OR4D6: variants seen among roughly 807,000 people sequenced by gnomAD.
OR4D6 encodes the protein olfactory receptor family 4 subfamily D member 6.
A neutral mutation model predicts 10.9 loss-of-function variants in OR4D6; 9 were observed. The ratio of observed to expected loss-of-function variants is 0.82; its 90% CI spans 0.50 to 1.44. The LOEUF (loss-of-function observed/expected upper bound fraction) is 1.44. Ranked by LOEUF, OR4D6 falls within the 40% of genes most tolerant of loss-of-function variation. OR4D6 has a pLI of 0.00. For missense variants in OR4D6, 370 were observed against 384.4 expected (o/e 0.96, Z 0.31); for synonymous variants, 167 against 154.4 (o/e 1.08, Z -0.60).
Position 59,457,879 on chromosome 11 carries a change from C to G in OR4D6, c.919C>G (p.Pro307Ala). ...AMQRLQRRLG[P>A]SESRKWG ...GCAGAGGCTGCAGAGGAGACTTGGG[C>G]CTTCCGAGAGCAGAAAATGGGGGTG... Residue 307 changes from proline (P) to alanine (A), a missense_variant, in exon 1 of 1, where the codon CCT (proline) becomes GCT (alanine). By Grantham distance (27) the Pro-to-Ala change is conservative (BLOSUM62 -1). Transcript: ENST00000300127. The G allele has an allele frequency of 1.2e-6, 2 of 1,604,778 alleles. No homozygotes were observed. The highest frequency in any genetic ancestry group is 2.2e-5 in the South Asian group (2 of 90,558).
At position 59,457,087 on chromosome 11, in the gene OR4D6, G is replaced by C. The variant is rs1307546829; in HGVS notation, c.127G>C (p.Ala43Pro). ...GTATGTAGCAACAGTCCTGGGAAATGCACTCATTGTGGTCACTATTACCTG... is the reference window on the plus strand; with the variant it reads ...GTATGTAGCAACAGTCCTGGGAAATCCACTCATTGTGGTCACTATTACCTG... Reference protein sequence around the residue: ...AVYVATVLGNALIVVTITCES... With the variant: ...AVYVATVLGNPLIVVTITCES... Residue 43 changes from alanine to proline, a missense_variant, in exon 1 of 1, where the codon GCA (alanine) becomes CCA (proline). Transcript: ENST00000300127. 6.2e-7 allele frequency: 1 copy of C among 1,613,898 alleles called. No individual in the cohort carries two copies. The highest frequency in any genetic ancestry group is 1.3e-5 in the African/African-American group (1 of 74,890).
Position 59,456,970 on chromosome 11 carries a change from A to G in OR4D6, c.10A>G (p.Ile4Val). Reference protein sequence around the residue: MDQINHTNVKEFFF... With the variant: MDQVNHTNVKEFFF... The stretch of plus-strand genomic sequence containing the variant: ...GAGAGTCATCCCCATCATGGACCAG[A>G]TCAACCACACTAATGTGAAGGAGTT... The change falls in exon 1 of 1, where the codon ATC (isoleucine) becomes GTC (valine). Residue 4 changes from isoleucine to valine, a missense_variant. Coordinates refer to ENST00000300127, the MANE Select transcript of OR4D6 (RefSeq NM_001004708.1). 3 of 1,612,346 alleles carry G rather than the reference A, an allele frequency of 1.9e-6. No homozygotes were observed. Among genetic ancestry groups the G allele is most frequent in the Non-Finnish European group, 2.5e-6 (3 of 1,178,568 alleles).
In OR4D6 at chr11:59,457,274, A is replaced by G. The variant is rs1207176540; in HGVS notation, c.314A>G (p.His105Arg). 1 of 1,613,356 alleles carries G rather than the reference A, an allele frequency of 6.2e-7. No homozygotes were observed. The change falls in exon 1 of 1, where the codon CAC becomes CGC. Residue 105 changes from histidine to arginine, a missense_variant. By Grantham distance (29) the His-to-Arg change is conservative. Transcript: ENST00000300127. ...TGCATGGCACAGATCTTTTTCTTCCACTTTGCTGGTGGGGCAGATATTTTT... is the reference window on the plus strand; with the variant it reads ...TGCATGGCACAGATCTTTTTCTTCCGCTTTGCTGGTGGGGCAGATATTTTT... Reference protein sequence around the residue: ...NDCMAQIFFFHFAGGADIFFL... With the variant: ...NDCMAQIFFFRFAGGADIFFL...
At position 59,457,668 on chromosome 11, in the gene OR4D6, C is replaced by T; in HGVS notation, c.708C>T (p.Ala236=). 6.2e-7 allele frequency: 1 copy of T among 1,613,980 alleles called. No individual in the cohort carries two copies. The highest frequency in any genetic ancestry group is 8.5e-7 in the Non-Finnish European group (1 of 1,179,916). ...RSHSGEGRNK[A]LSTCTSHMLV... is the part of the protein sequence containing the mutation. ...ACTCTGGGGAGGGGCGGAACAAGGC[C>T]CTCTCCACGTGCACGTCCCACATGC... is the stretch of plus-strand genomic sequence containing the variant. Residue 236 remains alanine, a synonymous_variant, in exon 1 of 1, where the codon GCC becomes GCT. Coordinates refer to ENST00000300127, the MANE Select transcript of OR4D6 (RefSeq NM_001004708.1).
chr11:59,457,690 A>G lies in OR4D6; in HGVS notation c.730A>G (p.Met244Val). Residue 244 changes from methionine to valine, a missense_variant, in exon 1 of 1, where the codon ATG becomes GTG. Transcript: ENST00000300127. The part of the protein sequence containing the change: ...NKALSTCTSH[M>V]LVVTLHFVPC... ...GGCCCTCTCCACGTGCACGTCCCACATGCTGGTGGTGACTCTTCACTTCGT... is the reference window on the plus strand; with the variant it reads ...GGCCCTCTCCACGTGCACGTCCCACGTGCTGGTGGTGACTCTTCACTTCGT... The G allele has an allele frequency of 6.2e-7, 1 of 1,613,780 alleles. No homozygotes were observed. Among genetic ancestry groups the G allele is most frequent in the Non-Finnish European group, 8.5e-7 (1 of 1,179,838 alleles).
rs776139836 is a variant in OR4D6 at position 59,457,049 on chromosome 11, T to A, written c.89T>A (p.Val30Asp). 6.2e-7 allele frequency: 1 copy of A among 1,614,150 alleles called. No homozygotes were observed. Among genetic ancestry groups the A allele is most frequent in the Non-Finnish European group, 8.5e-7 (1 of 1,180,000 alleles). ...SRELEFFLFVVFFAVYVATVL... is the reference protein window; with the variant it reads ...SRELEFFLFVDFFAVYVATVL... ...GAGCTGGAGTTTTTCTTGTTTGTGGTCTTCTTTGCTGTGTATGTAGCAACA... is the reference window on the plus strand; with the variant it reads ...GAGCTGGAGTTTTTCTTGTTTGTGGACTTCTTTGCTGTGTATGTAGCAACA... Residue 30 changes from valine to aspartate, a missense_variant, in exon 1 of 1, where the codon GTC becomes GAC. Val to Asp is a radical substitution (Grantham distance 152, BLOSUM62 -3). Transcript: ENST00000300127.
Position 59,457,871 on chromosome 11 carries a change from G to A in OR4D6, c.911G>A (p.Arg304Lys). 1.9e-6 allele frequency: 3 copies of A among 1,608,388 alleles called. No individual in the cohort carries two copies. Among genetic ancestry groups the A allele is most frequent in the Non-Finnish European group, 2.6e-6 (3 of 1,175,918 alleles). Reference sequence around the variant, plus strand: ...TCAGCCATGCAGAGGCTGCAGAGGAGACTTGGGCCTTCCGAGAGCAGAAAA... The same window carrying A: ...TCAGCCATGCAGAGGCTGCAGAGGAAACTTGGGCCTTCCGAGAGCAGAAAA... ...MKSAMQRLQR[R>K]LGPSESRKWG Residue 304 changes from arginine (R) to lysine (K), a missense_variant, in exon 1 of 1, where the codon AGA becomes AAA. Coordinates refer to ENST00000300127, the MANE Select transcript of OR4D6 (RefSeq NM_001004708.1).
rs1413687342 is a variant in OR4D6, at chr11:59,457,652, AGGGGC to A, written c.695_699del (p.Gly232GlufsTer41). ...GTGATGCTGAGATCCCACTCTGGGG[AGGGGC>A]GGAACAAGGCCCTCTCCACGTGCAC... On this transcript the variant is annotated frameshift_variant, in exon 1 of 1. Coordinates refer to ENST00000300127, the MANE Select transcript of OR4D6 (RefSeq NM_001004708.1). LOFTEE classifies it high-confidence loss of function. 5.6e-6 allele frequency: 9 copies of A among 1,612,686 alleles called. No individual in the cohort carries two copies. Among genetic ancestry groups the A allele is most frequent in the Non-Finnish European group, 7.6e-6 (9 of 1,179,878 alleles).
rs1296681645 is a variant in OR4D6, at chr11:59,457,213, C to A, written c.253C>A (p.Leu85Ile). 3 of 1,612,766 alleles carry A rather than the reference C, an allele frequency of 1.9e-6. No homozygotes were observed. In the Admixed American group the frequency reaches 5.0e-5, roughly 27 times the overall value. The change falls in exon 1 of 1, where the codon CTT becomes ATT. Residue 85 changes from leucine (L) to isoleucine (I), a missense_variant. Leu to Ile is a conservative substitution (Grantham distance 5). Transcript: ENST00000300127. ...CACCGTCCCCAAGTTCCTGGTGGAT[C>A]TTTTATCAGACAGGAAAACCATCTC... ...SITVPKFLVD[L>I]LSDRKTISYN...
chr11:59,457,325 G>C lies in OR4D6; in HGVS notation c.365G>C (p.Arg122Thr), dbSNP rs139749233. Residue 122 changes from arginine to threonine, a missense_variant, in exon 1 of 1, where the codon AGA becomes ACA. Coordinates refer to ENST00000300127, the MANE Select transcript of OR4D6 (RefSeq NM_001004708.1). ...TTCCTCTCTGTGATGGCCTATGACA[G>C]ATACCTTGCAATCGCCAAGCCCCTG... ...IFFLSVMAYD[R>T]YLAIAKPLHY... 8.4e-5 allele frequency: 135 copies of C among 1,613,050 alleles called. No homozygotes were observed. The highest frequency in any genetic ancestry group is 1.3e-4 in the Admixed American group (8 of 59,912).
In OR4D6 at chr11:59,457,481, T is replaced by C. The variant is rs770229993; in HGVS notation, c.521T>C (p.Leu174Pro). The C allele has an allele frequency of 3.1e-6, 5 of 1,614,040 alleles. No homozygotes were observed. The Admixed American group carries it at 8.3e-5, about 27-fold the overall frequency. ...TTCCCCTTCTGTGGCCCCAACACAC[T>C]GGATGCCTTCTACTGTTATGTGCTC... ...LPFPFCGPNT[L>P]DAFYCYVLQV... Residue 174 changes from leucine to proline, a missense_variant, in exon 1 of 1, where the codon CTG becomes CCG. Transcript: ENST00000300127.
At position 59,457,377 on chromosome 11, in the gene OR4D6, G is replaced by A. The variant is rs1015497969; in HGVS notation, c.417G>A (p.Glu139=). The A allele has an allele frequency of 6.2e-7, 1 of 1,613,902 alleles. No individual in the cohort carries two copies. The highest frequency in any genetic ancestry group is 1.3e-5 in the African/African-American group (1 of 75,020). ...ACTATGTGACCATGATGAGGAAAGA[G>A]GTGTGGGTGGCCTTGGTGGTGGCTT... ...PLHYVTMMRK[E]VWVALVVASW... The change falls in exon 1 of 1, where the codon GAG becomes GAA. Residue 139 remains glutamate, a synonymous_variant. Coordinates refer to ENST00000300127, the MANE Select transcript of OR4D6 (RefSeq NM_001004708.1).
chr11:59,457,122 C>T lies in OR4D6; in HGVS notation c.162C>T (p.Arg54=). ...TGGTCACTATTACCTGTGAGTCCCG[C>T]CTACACACTCCTATGTACTTTCTCC... is the stretch of plus-strand genomic sequence containing the variant. The part of the protein sequence containing the change: ...LIVVTITCES[R]LHTPMYFLLR... Residue 54 remains arginine, a synonymous_variant, in exon 1 of 1, where the codon CGC becomes CGT. Coordinates refer to ENST00000300127, the MANE Select transcript of OR4D6 (RefSeq NM_001004708.1). 6.2e-7 allele frequency: 1 copy of T among 1,614,106 alleles called. No homozygotes were observed. The highest frequency in any genetic ancestry group is 1.3e-5 in the African/African-American group (1 of 75,032).
rs770229993 is a variant in OR4D6, at chr11:59,457,481, T to G, written c.521T>G (p.Leu174Arg). The change falls in exon 1 of 1, where the codon CTG becomes CGG. Residue 174 changes from leucine to arginine, a missense_variant. Transcript: ENST00000300127. ...TTCCCCTTCTGTGGCCCCAACACAC[T>G]GGATGCCTTCTACTGTTATGTGCTC... ...LPFPFCGPNT[L>R]DAFYCYVLQV... is the part of the protein sequence containing the mutation. The G allele has an allele frequency of 6.2e-7, 1 of 1,614,158 alleles. No individual in the cohort carries two copies. The highest frequency in any genetic ancestry group is 8.5e-7 in the Non-Finnish European group (1 of 1,180,028).
chr11:59,457,238 C>T lies in OR4D6; in HGVS notation c.278C>T (p.Ser93Phe). Residue 93 changes from serine (S) to phenylalanine (F), a missense_variant, in exon 1 of 1, where the codon TCC (serine) becomes TTC (phenylalanine). Physicochemically the swap from Ser to Phe is radical, Grantham distance 155. Coordinates refer to ENST00000300127, the MANE Select transcript of OR4D6 (RefSeq NM_001004708.1). ...VDLLSDRKTI[S>F]YNDCMAQIFF... ...CTTTTATCAGACAGGAAAACCATCT[C>T]CTACAATGACTGCATGGCACAGATC... The T allele has an allele frequency of 6.2e-7, 1 of 1,613,226 alleles. No homozygotes were observed. Among genetic ancestry groups the T allele is most frequent in the Non-Finnish European group, 8.5e-7 (1 of 1,179,766 alleles).
rs1394345905 is a variant in OR4D6 at position 59,457,078 on chromosome 11, C to G, written c.118C>G (p.Leu40Val). The G allele has an allele frequency of 6.2e-7, 1 of 1,614,016 alleles. No homozygotes were observed. The highest frequency in any genetic ancestry group is 1.7e-5 in the Admixed American group (1 of 60,012). The part of the protein sequence containing the change: ...VFFAVYVATV[L>V]GNALIVVTIT... Reference sequence around the variant, plus strand: ...CTTTGCTGTGTATGTAGCAACAGTCCTGGGAAATGCACTCATTGTGGTCAC... The same window carrying G: ...CTTTGCTGTGTATGTAGCAACAGTCGTGGGAAATGCACTCATTGTGGTCAC... Residue 40 changes from leucine to valine, a missense_variant, in exon 1 of 1, where the codon CTG becomes GTG. Coordinates refer to ENST00000300127, the MANE Select transcript of OR4D6 (RefSeq NM_001004708.1).
At position 59,457,330 on chromosome 11, in the gene OR4D6, C is replaced by T; in HGVS notation, c.370C>T (p.Leu124Phe). The change falls in exon 1 of 1, where the codon CTT (leucine) becomes TTT (phenylalanine). Residue 124 changes from leucine to phenylalanine, a missense_variant. Coordinates refer to ENST00000300127, the MANE Select transcript of OR4D6 (RefSeq NM_001004708.1). ...FLSVMAYDRY[L>F]AIAKPLHYVT... Reference sequence around the variant, plus strand: ...CTCTGTGATGGCCTATGACAGATACCTTGCAATCGCCAAGCCCCTGCACTA... The same window carrying T: ...CTCTGTGATGGCCTATGACAGATACTTTGCAATCGCCAAGCCCCTGCACTA... 8 of 1,612,754 alleles carry T rather than the reference C, an allele frequency of 5.0e-6. No individual in the cohort carries two copies. Among genetic ancestry groups the T allele is most frequent in the Non-Finnish European group, 6.8e-6 (8 of 1,179,344 alleles).
Position 59,457,472 on chromosome 11 carries a change from C to T in OR4D6, c.512C>T (p.Pro171Leu). The part of the protein sequence containing the change: ...ILMLPFPFCG[P>L]NTLDAFYCYV... ...ATGCTTCCATTCCCCTTCTGTGGCC[C>T]CAACACACTGGATGCCTTCTACTGT... The change falls in exon 1 of 1, where the codon CCC becomes CTC. Residue 171 changes from proline to leucine, a missense_variant. By Grantham distance (98) the Pro-to-Leu change is moderately conservative (BLOSUM62 -3). Coordinates refer to ENST00000300127, the MANE Select transcript of OR4D6 (RefSeq NM_001004708.1). 1 of 1,614,124 alleles carries T rather than the reference C, an allele frequency of 6.2e-7. No homozygotes were observed.
rs1027836840 is a variant in OR4D6 at position 59,457,425 on chromosome 11, T to C, written c.465T>C (p.His155=). ...CTTCTTGGGTGAGTGGTGGTTTGCA[T>C]TCAATCATCCAGGTAATTCTGATGC... The part of the protein sequence containing the change: ...VVASWVSGGL[H]SIIQVILMLP... The change falls in exon 1 of 1, where the codon CAT becomes CAC. Residue 155 remains histidine, a synonymous_variant. Coordinates refer to ENST00000300127, the MANE Select transcript of OR4D6 (RefSeq NM_001004708.1). 6.8e-6 allele frequency: 11 copies of C among 1,614,182 alleles called. No individual in the cohort carries two copies. The highest frequency in any genetic ancestry group is 8.5e-6 in the Non-Finnish European group (10 of 1,180,012).
Sources: gnomAD v4.1 joint callset for allele counts on GRCh38, gnomAD v4.1.1 for gene constraint, MANE v1.5 for transcripts, NCBI Gene and HGNC (gene_info 2026-07-23, HGNC 2026-07-21) for gene names.